The following SMURF1 variants were observed in gnomAD, a reference collection of about 807,000 sequenced individuals.
SMURF1 encodes E3 ubiquitin-protein ligase SMURF1.
A neutral mutation model predicts 98.0 loss-of-function variants in SMURF1; 44 were observed. The observed-to-expected ratio is 0.45, with a 90% confidence interval of 0.35 to 0.58. The LOEUF is 0.58. SMURF1 is among the 20% of genes least tolerant of loss of function. The pLI, the probability that SMURF1 is intolerant of heterozygous loss-of-function variation, is 0.00. For missense variants in SMURF1, 687 were observed against 938.4 expected (o/e 0.73, Z 3.50); for synonymous variants, 396 against 374.9 (o/e 1.06, Z -0.65).
chr7:99,074,450 C>T (rs894797471), intron 1 of SMURF1, among the ~76,000 whole-genome samples: 8 of 152,022 alleles, frequency 5.3e-5, no homozygotes, highest in African/African-American at 1.9e-4. Context: ...CTTGTCTAGA[C>T]TGGAAAATAA....
chr7:99,048,719 A>C (rs2150523041), intron 9 of SMURF1: 1 of 152,334 alleles, frequency 6.6e-6, no homozygotes, highest in Middle Eastern at 3.4e-3. Context: ...CAGTAAAAGG[A>C]GTAGGATTAG....
At chr7:99,063,246 TATATATATATATATATATATA>T (rs1796088508) in intron 1 of SMURF1, among the ~76,000 whole-genome samples, 1 of 2,842 alleles carries the variant, frequency 3.5e-4, no homozygotes, top group African/African-American at 6.1e-4. Context: ...TTTATTTATA[TATATATATATATATATATATA>T]TATATATATA....
At chr7:99,080,722 G>C (rs1796561156) in intron 1 of SMURF1, among the ~76,000 whole-genome samples, 1 of 152,196 alleles carries the variant, frequency 6.6e-6, no homozygotes, top group South Asian at 2.1e-4. Flanking sequence ...CAACTGAGTT[G>C]ATGAGACCGA....
At position 99,029,431 on chromosome 7, in the gene SMURF1, C is replaced by T. The variant is rs572461205; in HGVS notation, c.*1153G>A. ...TATGAAGACATCTGGGCAAGTGAAC[C>T]GAGTAGCAATCGTTAGTGTCACCAG... is the stretch of plus-strand genomic sequence containing the variant. On this transcript the variant is annotated 3_prime_UTR_variant, in exon 18 of 18. Transcript: ENST00000361368. 2.0e-5 allele frequency: 3 copies of T among 152,284 alleles called. No homozygotes were observed. The highest frequency in any genetic ancestry group is 4.1e-4 in the South Asian group (2 of 4,822). The allele number at this position is 152,284 out of a possible 1,614,324, so 9.4% of individuals were successfully genotyped here.
chr7:99,037,897 T>C (rs1339284686), intron 14 of SMURF1, among the ~76,000 whole-genome samples: 4 of 152,212 alleles, frequency 2.6e-5, no homozygotes, highest in African/African-American at 7.2e-5. Context: ...TTAAAAATTG[T>C]TTAAATGTGT....
At chr7:99,035,191 G>A (rs1039138226) in intron 16 of SMURF1, among the ~76,000 whole-genome samples, 6 of 152,194 alleles carry the variant, frequency 3.9e-5, no homozygotes, top group African/African-American at 1.4e-4. Context: ...TCCCTCCCCG[G>A]GATCTTGGCT....
At chr7:99,091,224 T>C (rs1796803374) in intron 1 of SMURF1, among the ~76,000 whole-genome samples, 1 of 152,140 alleles carries the variant, frequency 6.6e-6, no homozygotes, top group Admixed American at 6.5e-5. Flanking sequence ...CCAAAAACAC[T>C]ACCCTTACTT....
chr7:99,040,152 C>T (rs566451642), intron 13 of SMURF1, among the ~76,000 whole-genome samples: 1 of 152,114 alleles, frequency 6.6e-6, no homozygotes, highest in Non-Finnish European at 1.5e-5. Context: ...TTTGCAGTAA[C>T]GGGGTCTCAC....
intron 1 of SMURF1, among the ~76,000 whole-genome samples, chr7:99,141,592 C>T (rs1798118484): frequency 6.6e-6 from 1 of 152,170 alleles, no homozygotes; most frequent in African/African-American, 2.4e-5. Flanking sequence ...GCAAAGATCC[C>T]AGAGGAAACT....
At chr7:99,075,951 C>T (rs1219465015) in intron 1 of SMURF1, among the ~76,000 whole-genome samples, 1 of 152,184 alleles carries the variant, frequency 6.6e-6, no homozygotes, top group African/African-American at 2.4e-5. Context: ...GTGTACAGCT[C>T]ACTGAATTCT....
intron 1 of SMURF1, among the ~76,000 whole-genome samples, chr7:99,084,905 A>C (rs1486982538): frequency 1.8e-4 from 27 of 152,228 alleles, no homozygotes; most frequent in Admixed American, 1.3e-3. Context: ...GAATGATTTA[A>C]CACCACCCTC....
chr7:99,127,076 C>T (rs1797762274), intron 1 of SMURF1, among the ~76,000 whole-genome samples: 1 of 152,150 alleles, frequency 6.6e-6, no homozygotes, highest in African/African-American at 2.4e-5. Flanking sequence ...GCTGGAGGTT[C>T]CTAGTGCTTC....
At chr7:99,083,983 ACT>A (rs534840870) in intron 1 of SMURF1, among the ~76,000 whole-genome samples, 41 of 152,264 alleles carry the variant, frequency 2.7e-4, no homozygotes, top group Admixed American at 1.4e-3. Flanking sequence ...TGTATGCCTG[ACT>A]CTGTGTTAAG....
chr7:99,042,405 C>A (rs918372715), intron 11 of SMURF1, among the ~76,000 whole-genome samples, 173 bp from the exon 12 acceptor site: 3 of 152,116 alleles, frequency 2.0e-5, no homozygotes, highest in Non-Finnish European at 4.4e-5. Flanking sequence ...TCCCGAGTAG[C>A]TGGCACTACA....
intron 3 of SMURF1, among the ~76,000 whole-genome samples, chr7:99,058,948 G>A (rs1795951217): frequency 6.6e-6 from 1 of 152,162 alleles, no homozygotes; most frequent in Non-Finnish European, 1.5e-5. Flanking sequence ...GCCAGGCATG[G>A]TGGCGGGTAC....
chr7:99,038,334 A>G (rs1460059584), intron 14 of SMURF1, 54 bp downstream of exon 14: 1 of 1,596,772 alleles, frequency 6.3e-7, no homozygotes, highest in African/African-American at 1.3e-5. Flanking sequence ...CAGCAACTAA[A>G]TGCAGGCTCA....
intron 6 of SMURF1, among the ~76,000 whole-genome samples, chr7:99,052,981 C>T (rs1356169501): frequency 1.3e-5 from 2 of 152,136 alleles, no homozygotes; most frequent in East Asian, 3.9e-4. Context: ...TGCTTGAACC[C>T]AGGAGGCAGA....
intron 1 of SMURF1, among the ~76,000 whole-genome samples, chr7:99,074,929 G>A (rs1796416821): frequency 6.6e-6 from 1 of 152,092 alleles, no homozygotes; most frequent in Non-Finnish European, 1.5e-5. Flanking sequence ...TGGCCAATAA[G>A]CACAGAAAAA....
intron 3 of SMURF1, among the ~76,000 whole-genome samples, chr7:99,059,605 C>T (rs1795982587): frequency 6.6e-6 from 1 of 151,706 alleles, no homozygotes. Flanking sequence ...CAGAAACATA[C>T]AGTCATAATA....
Sources: allele counts gnomAD v4.1 joint callset (sites outside exome capture counted in the v4.1 genomes callset), GRCh38; gene constraint gnomAD v4.1.1; transcripts MANE v1.5; gene names NCBI Gene and HGNC (gene_info 2026-07-23, HGNC 2026-07-21).